Variants in LOXL2 observed in about 807,000 individuals in gnomAD.
The protein encoded by LOXL2 is lysyl oxidase homolog 2.
Under a neutral mutation model 93.0 loss-of-function variants are expected in LOXL2, and 70 were observed. The ratio of observed to expected loss-of-function variants is 0.75; its 90% CI spans 0.62 to 0.92. The LOEUF (loss-of-function observed/expected upper bound fraction) is 0.92, where lower values mean the gene tolerates loss of function less well. Among genes scored for constraint, LOXL2 ranks in the 40% least tolerant of loss-of-function variants. LOXL2 has a pLI of 0.00. For missense variants in LOXL2, 973 were observed against 1,054.9 expected, an observed-to-expected ratio of 0.92 and a Z score of 1.08; for synonymous variants, 438 against 413.2, an observed-to-expected ratio of 1.06 and a Z score of -0.73.
intron 9 of LOXL2, among the ~76,000 whole-genome samples, chr8:23,315,667 T>G (rs1803382822): frequency 6.6e-6 from 1 of 152,230 alleles, no homozygotes; most frequent in African/African-American, 2.4e-5. Context: ...CTCTTTGCTC[T>G]GGCTGCTAGG....
chr8:23,329,353 T>G (rs983766853), intron 5 of LOXL2, among the ~76,000 whole-genome samples: 3 of 152,204 alleles, frequency 2.0e-5, no homozygotes, highest in African/African-American at 7.2e-5. Context: ...GAATTAGAGT[T>G]TAAACACCCC....
chr8:23,386,774 A>G (rs1169533343), intron 1 of LOXL2, among the ~76,000 whole-genome samples: 1 of 152,136 alleles, frequency 6.6e-6, no homozygotes, highest in Non-Finnish European at 1.5e-5. Flanking sequence ...CGCTGAATGC[A>G]AGCAGAGAGC....
intron 1 of LOXL2, among the ~76,000 whole-genome samples, chr8:23,371,329 G>A (rs529611200): frequency 2.6e-5 from 4 of 152,338 alleles, no homozygotes; most frequent in African/African-American, 7.2e-5. Context: ...CATCCCAGAT[G>A]TCAGTAAGGA....
intron 9 of LOXL2, among the ~76,000 whole-genome samples, chr8:23,313,168 C>G (rs950832395): frequency 6.6e-6 from 1 of 152,152 alleles, no homozygotes; most frequent in Non-Finnish European, 1.5e-5. Flanking sequence ...AATGGAAGAA[C>G]ATTCCATGCT....
At chr8:23,396,628 T>A (rs1800092132) in intron 1 of LOXL2, among the ~76,000 whole-genome samples, 1 of 152,232 alleles carries the variant, frequency 6.6e-6, no homozygotes, top group Non-Finnish European at 1.5e-5. Flanking sequence ...TTAAATCTCA[T>A]AACTAATCTG....
intron 6 of LOXL2, among the ~76,000 whole-genome samples, chr8:23,322,510 C>T (rs1359466445): frequency 6.6e-6 from 1 of 152,202 alleles, no homozygotes; most frequent in Non-Finnish European, 1.5e-5. Flanking sequence ...TACTGATTTG[C>T]TGTGTGACCT....
chr8:23,335,065 T>G (rs1223452580), intron 4 of LOXL2, among the ~76,000 whole-genome samples: 1 of 152,166 alleles, frequency 6.6e-6, no homozygotes, highest in Non-Finnish European at 1.5e-5. Flanking sequence ...TCTGCCTCCC[T>G]CGGCCTCCCA....
intron 13 of LOXL2, among the ~76,000 whole-genome samples, chr8:23,298,524 A>G (rs1287546588): frequency 1.3e-5 from 2 of 152,184 alleles, no homozygotes; most frequent in African/African-American, 4.8e-5. Flanking sequence ...GAGCCCACAG[A>G]TTGCTGATGC....
intron 1 of LOXL2, among the ~76,000 whole-genome samples, chr8:23,397,009 G>T (rs1376433251): frequency 1.3e-5 from 2 of 152,146 alleles, no homozygotes; most frequent in Non-Finnish European, 2.9e-5. Flanking sequence ...CCATACAGTG[G>T]GATATTATTC....
chr8:23,318,593 A>G (rs578218033), intron 8 of LOXL2, among the ~76,000 whole-genome samples: 1 of 152,322 alleles, frequency 6.6e-6, no homozygotes, highest in East Asian at 1.9e-4. Context: ...CAGATTTGGT[A>G]CAAATGTCAG....
At chr8:23,355,446 C>T (rs997745989) in intron 3 of LOXL2, among the ~76,000 whole-genome samples, 4 of 149,690 alleles carry the variant, frequency 2.7e-5, no homozygotes, top group African/African-American at 7.4e-5. Context: ...CTGCAGTCAG[C>T]GACTGGTCCA....
chr8:23,377,713 T>G lies in LOXL2; in HGVS notation c.-83-9279A>C, dbSNP rs190308534. Among the ~76,000 whole-genome samples the G allele has an allele frequency of 4.6e-5, 7 of 152,328 alleles. No individual in the cohort carries two copies. The East Asian group carries it at 1.3e-3, about 29-fold the overall frequency. On this transcript the variant is annotated intron_variant, in intron 1 of 13. Coordinates refer to ENST00000389131, the MANE Select transcript of LOXL2 (RefSeq NM_002318.3). ...ATGTAATGGCCTTCTTTATCTCTTT[T>G]GATCTTTGTTGGTTTAAAGTCTGTT...
chr8:23,391,778 T>C (rs945366292), intron 1 of LOXL2, among the ~76,000 whole-genome samples: 6 of 152,064 alleles, frequency 3.9e-5, no homozygotes, highest in Non-Finnish European at 7.4e-5. Context: ...GTGCTGAGAT[T>C]TGGCCTAGGC....
At chr8:23,365,476 C>T (rs1392679266) in intron 2 of LOXL2, 3 of 150,142 alleles carry the variant, frequency 2.0e-5, no homozygotes, top group Non-Finnish European at 2.9e-5. Context: ...CACCACTTCA[C>T]GTAAGCAGCT....
chr8:23,353,625 C>A (rs1042901740), intron 3 of LOXL2, among the ~76,000 whole-genome samples: 11 of 152,144 alleles, frequency 7.2e-5, no homozygotes, highest in Admixed American at 4.6e-4. Context: ...AACTGAGAAC[C>A]TGCCTGGTTA....
rs1400941577 is a variant in LOXL2 at position 23,368,144 on chromosome 8, C to T, written c.208G>A (p.Gly70Ser). The change falls in exon 2 of 14, where the codon GGC becomes AGC. Residue 70 changes from glycine to serine, a missense_variant. By Grantham distance (56) the Gly-to-Ser change is moderately conservative. Transcript: ENST00000389131. ...CCATCATAGTACACCTCCACCCGGC[C>T]CTCGCTGTGCTTCCTCTTCTGCCCA... ...LAGQKRKHSE[G>S]RVEVYYDGQW... is the part of the protein sequence containing the mutation. The T allele has an allele frequency of 6.2e-6, 10 of 1,613,996 alleles. No individual in the cohort carries two copies. Among genetic ancestry groups the T allele is most frequent in the Non-Finnish European group, 8.5e-6 (10 of 1,180,026 alleles).
chr8:23,334,327 C>T (rs1803754913), intron 4 of LOXL2, among the ~76,000 whole-genome samples: 2 of 152,240 alleles, frequency 1.3e-5, no homozygotes, highest in African/African-American at 4.8e-5. Flanking sequence ...GCATGGGCCA[C>T]TGTGCCCAGC....
intron 2 of LOXL2, among the ~76,000 whole-genome samples, chr8:23,362,791 ATTT>A (rs902338283): frequency 6.6e-6 from 1 of 151,780 alleles, no homozygotes; most frequent in Non-Finnish European, 1.5e-5. Flanking sequence ...TTTGGCCATA[ATTT>A]TTTTTTAATT....
intron 3 of LOXL2, among the ~76,000 whole-genome samples, chr8:23,358,091 T>C (rs1804227668): frequency 6.6e-6 from 1 of 152,206 alleles, no homozygotes; most frequent in Admixed American, 6.5e-5. Context: ...TTATAAGGAA[T>C]GAAGATGGAA....
Sources: allele counts gnomAD v4.1 joint callset (sites outside exome capture counted in the v4.1 genomes callset), GRCh38; gene constraint gnomAD v4.1.1; transcripts MANE v1.5; gene names NCBI Gene and HGNC (gene_info 2026-07-23, HGNC 2026-07-21).